SI: variants seen among roughly 807,000 people sequenced by gnomAD.
SI encodes sucrase-isomaltase, also known as sucrase-isomaltase, intestinal.
In SI, 235 loss-of-function variants were observed where a neutral mutation model predicts 253.3. That is an observed-to-expected ratio of 0.93 (90% CI 0.83 to 1.03). The LOEUF (loss-of-function observed/expected upper bound fraction) is 1.03. SI is among the 50% of genes least tolerant of loss of function. The pLI is 0.00. For missense variants in SI, 2,442 were observed against 2,211.1 expected, an observed-to-expected ratio of 1.10 and a Z score of -2.09; for synonymous variants, 819 against 712.0, an observed-to-expected ratio of 1.15 and a Z score of -2.39.
chr3:165,087,387 T>A, the SI span, among the ~76,000 whole-genome samples: 2 of 151,974 alleles, frequency 1.3e-5, no homozygotes, highest in Non-Finnish European at 2.9e-5. Context: ...AAGGGAATGG[T>A]CAAGAGAATG....
At chr3:165,004,949 G>A (rs758643891) in intron 37 of SI, among the ~76,000 whole-genome samples, 3 of 152,024 alleles carry the variant, frequency 2.0e-5, no homozygotes, top group African/African-American at 7.2e-5. Flanking sequence ...TTTCCCCTAC[G>A]CTATTCTTGT....
Position 165,027,592 on chromosome 3 carries a change from T to A in SI, c.2892+3120A>T, listed in dbSNP as rs1049432871. Among the ~76,000 whole-genome samples the A allele has an allele frequency of 2.6e-5, 4 of 151,150 alleles. No homozygotes were observed. In the South Asian group the frequency reaches 8.3e-4, roughly 31 times the overall value. ...TAACCAAATTCCAAATTCAACAACA[T>A]ATCAAAAAGATAGCCCAACATGACC... On this transcript the variant is annotated intron_variant, in intron 25 of 47. Transcript: ENST00000264382.
At chr3:165,000,871 A>C (rs1718227217) in intron 37 of SI, among the ~76,000 whole-genome samples, 1 of 151,502 alleles carries the variant, frequency 6.6e-6, no homozygotes, top group Admixed American at 6.6e-5. Flanking sequence ...TCAGCTTATA[A>C]GAAAGAGATA....
intron 1 of SI, among the ~76,000 whole-genome samples, chr3:165,078,010 G>C (rs1048718366): frequency 6.6e-6 from 1 of 151,372 alleles, no homozygotes; most frequent in African/African-American, 2.4e-5. Context: ...CTTGATGAAT[G>C]ATCTTTAAAA....
In SI at chr3:165,032,535, T is replaced by A; in HGVS notation, c.2723A>T (p.Asp908Val). ...PMNAHSNFTY[D>V]ASNQVLLIAD... is the part of the protein sequence containing the mutation. ...GATTGTAATTACCTGGTTAGAAGCA[T>A]CATAAGTGAAATTGGAATGAGCGTT... Residue 908 changes from aspartate to valine, a missense_variant, in exon 24 of 48, where the codon GAT becomes GTT. By Grantham distance (152) the Asp-to-Val change is radical (BLOSUM62 -3). Coordinates refer to ENST00000264382, the MANE Select transcript of SI (RefSeq NM_001041.4). 1 of 1,604,536 alleles carries A rather than the reference T, an allele frequency of 6.2e-7. No homozygotes were observed. The highest frequency in any genetic ancestry group is 8.5e-7 in the Non-Finnish European group (1 of 1,173,044).
rs140470596 is a variant in SI, at chr3:165,068,737, A to G, written c.468T>C (p.Asn156=). The G allele has an allele frequency of 3.9e-5, 63 of 1,612,750 alleles. No homozygotes were observed. Among genetic ancestry groups the G allele is most frequent in the African/African-American group, 6.7e-5 (5 of 74,870 alleles). The change falls in exon 5 of 48, where the codon AAT becomes AAC. Residue 156 remains asparagine (N), a synonymous_variant. Transcript: ENST00000264382. ...VLFTTQNQTP[N]RFRFKITDPN... ...AAAACCGAACCTTGAACCGGAAACG[A>G]TTGGGTGTCTGATTTTGAGTTGTGA...
intron 14 of SI, 97 bp downstream of exon 14, chr3:165,049,694 C>T: frequency 2.7e-6 from 2 of 738,252 alleles, no homozygotes; most frequent in Non-Finnish European, 4.8e-6. Context: ...AGAACTATAC[C>T]AAAAATTGTA....
In SI at chr3:165,043,187, A is replaced by C; in HGVS notation, c.1888-12T>G. On this transcript the variant is annotated splice_polypyrimidine_tract_variant and intron_variant, in intron 16 of 47. Coordinates refer to ENST00000264382, the MANE Select transcript of SI (RefSeq NM_001041.4). ...ATGTCTGCTCCAACCTAAATAACAAATATATTTACTATTTATAATGTTAAG... is the reference window on the plus strand; with the variant it reads ...ATGTCTGCTCCAACCTAAATAACAACTATATTTACTATTTATAATGTTAAG... The C allele has an allele frequency of 6.5e-7, 1 of 1,539,998 alleles. No homozygotes were observed. The highest frequency in any genetic ancestry group is 9.0e-7 in the Non-Finnish European group (1 of 1,115,578).
In SI at chr3:165,038,009, A is replaced by G; in HGVS notation, c.2317T>C (p.Trp773Arg). 6.3e-7 allele frequency: 1 copy of G among 1,599,204 alleles called. No homozygotes were observed. Among genetic ancestry groups the G allele is most frequent in the East Asian group, 2.2e-5 (1 of 44,570 alleles). The stretch of plus-strand genomic sequence containing the variant: ...TACATATCAACCCGTTGTTTCCTCC[A>G]TGGCCTTTTTGCACCCTAATAATTG... ...YDYESGAKRP[W>R]RKQRVDMYLP... Residue 773 changes from tryptophan to arginine, a missense_variant, in exon 21 of 48, where the codon TGG becomes CGG. Coordinates refer to ENST00000264382, the MANE Select transcript of SI (RefSeq NM_001041.4).
chr3:165,086,479 A>C, the SI span, among the ~76,000 whole-genome samples: 3 of 152,188 alleles, frequency 2.0e-5, no homozygotes, highest in Admixed American at 6.6e-5. Context: ...CAGAATTGTT[A>C]GGACTTTCTA....
intron 6 of SI, among the ~76,000 whole-genome samples, chr3:165,067,093 T>C (rs1483779297): frequency 6.6e-6 from 1 of 151,976 alleles, no homozygotes; most frequent in Non-Finnish European, 1.5e-5. Context: ...TATGCAAGGC[T>C]AGGGTTGCAT....
At chr3:164,981,987 T>C (rs1717210269) in intron 47 of SI, among the ~76,000 whole-genome samples, 1 of 152,152 alleles carries the variant, frequency 6.6e-6, no homozygotes, top group African/African-American at 2.4e-5. Flanking sequence ...GGGATAACAG[T>C]TATTTAAAGT....
At position 165,049,931 on chromosome 3, in the gene SI, G is replaced by A. The variant is rs112562860; in HGVS notation, c.1513-56C>T. The A allele has an allele frequency of 1.2e-5, 13 of 1,058,164 alleles. No individual in the cohort carries two copies. The African/African-American group carries it at 1.4e-4, about 11-fold the overall frequency. 65.5% of individuals were successfully genotyped at this position (1,058,164 alleles called of 1,614,324 possible). ...TTTTACATAATTATAAATCCTATTA[G>A]CAGAAACTCTCTAGTTGTTTGAAAA... On this transcript the variant is annotated intron_variant, in intron 13 of 47. Transcript: ENST00000264382.
intron 37 of SI, among the ~76,000 whole-genome samples, chr3:165,001,223 T>C (rs1411698518): frequency 6.6e-6 from 1 of 151,336 alleles, no homozygotes; most frequent in Non-Finnish European, 1.5e-5. Flanking sequence ...TTCTCATGAT[T>C]GGATGGTGTT....
chr3:165,053,246 C>T (rs1157141967), intron 13 of SI, among the ~76,000 whole-genome samples: 1 of 152,108 alleles, frequency 6.6e-6, no homozygotes, highest in East Asian at 1.9e-4. Context: ...ATTAAGCTCA[C>T]ATCATTTCCC....
intron 37 of SI, among the ~76,000 whole-genome samples, chr3:164,999,277 C>G (rs1718156578): frequency 6.6e-6 from 1 of 151,570 alleles, no homozygotes; most frequent in African/African-American, 2.4e-5. Context: ...CCTTCTCAGT[C>G]TTTGGAGAAT....
intron 2 of SI, among the ~76,000 whole-genome samples, chr3:165,075,140 C>T (rs746405242): frequency 5.9e-5 from 9 of 151,750 alleles, no homozygotes; most frequent in Non-Finnish European, 1.0e-4. Flanking sequence ...GCTGGAATAG[C>T]GAAGAATGGT....
the SI span, among the ~76,000 whole-genome samples, chr3:165,088,345 T>C: frequency 6.7e-6 from 1 of 149,720 alleles, no homozygotes; most frequent in Non-Finnish European, 1.5e-5. Flanking sequence ...AAACTCTCTC[T>C]CAAAAAATAA....
chr3:165,039,042 T>A, intron 20 of SI, 36 bp downstream of exon 20: 1 of 1,333,574 alleles, frequency 7.5e-7, no homozygotes, highest in Non-Finnish European at 1.1e-6. Context: ...GAAAATATAA[T>A]ACTTGTGAGT....
Sources: gnomAD v4.1 joint callset for allele counts (sites outside exome capture counted in the v4.1 genomes callset) on GRCh38, gnomAD v4.1.1 for gene constraint, MANE v1.5 for transcripts, NCBI Gene and HGNC (gene_info 2026-07-23, HGNC 2026-07-21) for gene names.